KMT2A: variants seen among roughly 807,000 people sequenced by gnomAD.
The protein encoded by KMT2A is lysine methyltransferase 2A.
In KMT2A, 16 loss-of-function variants were observed where a neutral mutation model predicts 345.3. The observed-to-expected ratio is 0.05, with a 90% confidence interval of 0.03 to 0.07. The LOEUF is 0.07. Ranked by LOEUF, KMT2A falls within the 10% of genes least tolerant of loss-of-function variation. The pLI, the probability that KMT2A is intolerant of heterozygous loss-of-function variation, is 1.00. For missense variants in KMT2A, 3,272 were observed against 4,841.6 expected, an observed-to-expected ratio of 0.68 and a Z score of 9.62; for synonymous variants, 1,599 against 1,778.6, an observed-to-expected ratio of 0.90 and a Z score of 2.54.
Position 118,498,619 on chromosome 11 carries a change from G to T in KMT2A, c.5961+91G>T. 1 of 1,312,566 alleles carries T rather than the reference G, an allele frequency of 7.6e-7. No homozygotes were observed. The highest frequency in any genetic ancestry group is 2.3e-5 in the East Asian group (1 of 42,984). The allele number at this position is 1,312,566 out of a possible 1,614,324, so 81.3% of individuals were successfully genotyped here. ...AGCAAAATTGACTGGAAGGTACAGA[G>T]ATTTCCCATATGCCCCCTGCACCCA... is the stretch of plus-strand genomic sequence containing the variant. On this transcript the variant is annotated intron_variant, in intron 22 of 35. Coordinates refer to ENST00000534358, the MANE Select transcript of KMT2A (RefSeq NM_001197104.2). The surrounding 1 kb of genome is among the most constrained non-coding windows in gnomAD (Gnocchi z 4.4).
chr11:118,494,750 A>G lies in KMT2A; in HGVS notation c.5346A>G (p.Pro1782=), dbSNP rs1484928537. ...TCAAAAAGTCCAGGTTTTGGGAGCC[A>G]AATAAAGTATCAAGCAAGTAAGTGA... ...FSVKKSRFWE[P]NKVSSNSGML... Residue 1782 remains proline, a synonymous_variant, in exon 18 of 36, where the codon CCA becomes CCG. Coordinates refer to ENST00000534358, the MANE Select transcript of KMT2A (RefSeq NM_001197104.2). This position sits in a 1 kb window ranked among gnomAD's most constrained non-coding sequence, Gnocchi z 5.8. 2 of 1,613,668 alleles carry G rather than the reference A, an allele frequency of 1.2e-6. No individual in the cohort carries two copies. The highest frequency in any genetic ancestry group is 8.5e-7 in the Non-Finnish European group (1 of 1,179,702).
chr11:118,496,414 G>A lies in KMT2A; in HGVS notation c.5664+47G>A, dbSNP rs781843828. 1 of 1,315,910 alleles carries A rather than the reference G, an allele frequency of 7.6e-7. No individual in the cohort carries two copies. The highest frequency in any genetic ancestry group is 1.1e-6 in the Non-Finnish European group (1 of 909,516). 81.5% of individuals were successfully genotyped at this position (1,315,910 alleles called of 1,614,324 possible). On this transcript the variant is annotated intron_variant, in intron 20 of 35. Transcript: ENST00000534358. This position sits in a 1 kb window ranked among gnomAD's most constrained non-coding sequence, Gnocchi z 4.7. The stretch of plus-strand genomic sequence containing the variant: ...GCCCTAGTTAATACATACTCCAAAA[G>A]AACTGTTTGTCCTTGTGTCCATACT...
chr11:118,439,158 C>CAAAAAAAAAAACAAAAA, intron 1 of KMT2A: 1 of 265,450 alleles, frequency 3.8e-6, no homozygotes, highest in Admixed American at 5.3e-5. Context: ...GATACAGCAG[C>CAAAAAAAAAAACAAAAA]AAAAAAAAAA....
rs1950440354 is a variant in KMT2A, at chr11:118,498,165, T to C, written c.5802+92T>C. ...GTGAATATGGCCTCCCTGATATTTT[T>C]CACAGTGCCATCAGGGTAGTTAGCC... On this transcript the variant is annotated intron_variant, in intron 21 of 35. Transcript: ENST00000534358. The surrounding 1 kb of genome is among the most constrained non-coding windows in gnomAD (Gnocchi z 4.4). 1 of 1,411,046 alleles carries C rather than the reference T, an allele frequency of 7.1e-7. No homozygotes were observed. The highest frequency in any genetic ancestry group is 9.9e-7 in the Non-Finnish European group (1 of 1,012,384). The allele number at this position is 1,411,046 out of a possible 1,614,324, so 87.4% of individuals were successfully genotyped here.
At chr11:118,481,344 A>C (rs998086486) in intron 6 of KMT2A, among the ~76,000 whole-genome samples, 11 of 152,182 alleles carry the variant, frequency 7.2e-5, no homozygotes, top group African/African-American at 2.7e-4. Context: ...GAGTGAGAGC[A>C]TGTGATGTTT....
rs1565319061 is a variant in KMT2A, at chr11:118,521,854, T to C, written c.11644-43T>C. ...TGGGACATGTTCTTAAAGCTGAGTT[T>C]ATAAGAAATGACAAGTTCTTCTCCC... On this transcript the variant is annotated intron_variant, in intron 35 of 35. Coordinates refer to ENST00000534358, the MANE Select transcript of KMT2A (RefSeq NM_001197104.2). The surrounding 1 kb of genome is among the most constrained non-coding windows in gnomAD (Gnocchi z 5.3). The C allele has an allele frequency of 6.3e-7, 1 of 1,592,764 alleles. No individual in the cohort carries two copies. Among genetic ancestry groups the C allele is most frequent in the East Asian group, 2.2e-5 (1 of 44,466 alleles).
At chr11:118,453,819 T>C (rs1230560332) in intron 1 of KMT2A, among the ~76,000 whole-genome samples, 1 of 152,216 alleles carries the variant, frequency 6.6e-6, no homozygotes, top group Non-Finnish European at 1.5e-5. Flanking sequence ...ACATATACAT[T>C]GAAGCACTTG....
At chr11:118,467,393 T>A (rs1248628041) in intron 1 of KMT2A, among the ~76,000 whole-genome samples, 1 of 150,696 alleles carries the variant, frequency 6.6e-6, no homozygotes, top group East Asian at 1.9e-4. Context: ...AAAAAAAAAA[T>A]TATAATACTT....
At chr11:118,467,450 T>A (rs559896131) in intron 1 of KMT2A, among the ~76,000 whole-genome samples, 2 of 152,284 alleles carry the variant, frequency 1.3e-5, no homozygotes, top group African/African-American at 4.8e-5. Flanking sequence ...TCTTAAATAG[T>A]CCAATACTTT....
rs201104615 is a variant in KMT2A, at chr11:118,445,059, CT to C, written c.432+8124del. ...ATTGAAAGGAGAGCAGGGTTATAAT[CT>C]TTTTTTTTCATCAAAATAACTGGTT... On this transcript the variant is annotated intron_variant, in intron 1 of 35. Transcript: ENST00000534358. Among the ~76,000 whole-genome samples the C allele has an allele frequency of 9.9e-5, 15 of 151,448 alleles. No homozygotes were observed. In the South Asian group the frequency reaches 1.5e-3, roughly 15 times the overall value.
intron 10 of KMT2A, among the ~76,000 whole-genome samples, chr11:118,488,047 G>A (rs1052180445): frequency 5.9e-5 from 9 of 152,124 alleles, no homozygotes; most frequent in African/African-American, 1.2e-4. Flanking sequence ...AGGTGTGGTG[G>A]CACGCGCCTG....
rs1950316895 is a variant in KMT2A at position 118,491,050 on chromosome 11, T to G, written c.4697-146T>G. On this transcript the variant is annotated intron_variant, in intron 13 of 35. Coordinates refer to ENST00000534358, the MANE Select transcript of KMT2A (RefSeq NM_001197104.2). The surrounding 1 kb of genome is among the most constrained non-coding windows in gnomAD (Gnocchi z 4.2). ...CAGAATAATCTTGAGACTGCAGATG[T>G]GTGAACATTCCACAGTAGATCCATG... The G allele has an allele frequency of 1.5e-5, 10 of 679,278 alleles. No individual in the cohort carries two copies. In the East Asian group the frequency reaches 3.1e-4, roughly 21 times the overall value. The allele number at this position is 679,278 out of a possible 1,614,324, so 42.1% of individuals were successfully genotyped here.
rs1159114829 is a variant in KMT2A at position 118,436,665 on chromosome 11, C to T, written c.153C>T (p.Pro51=). The T allele has an allele frequency of 1.8e-5, 22 of 1,210,476 alleles. No homozygotes were observed. The highest frequency in any genetic ancestry group is 2.2e-5 in the Non-Finnish European group (21 of 971,904). The allele number at this position is 1,210,476 out of a possible 1,614,324, so 75.0% of individuals were successfully genotyped here. A position where few individuals can be genotyped will look rare whatever the true frequency, so the allele number is the denominator to read the frequency against. Residue 51 remains proline (P), a synonymous_variant, in exon 1 of 36, where the codon CCC becomes CCT. Coordinates refer to ENST00000534358, the MANE Select transcript of KMT2A (RefSeq NM_001197104.2). The surrounding 1 kb of genome is among the most constrained non-coding windows in gnomAD (Gnocchi z 6.9). The part of the protein sequence containing the change: ...PPGPPVGGGG[P]GAPPSPPAVA... ...GGCCCCCGGTCGGCGGTGGCGGCCC[C>T]GGGGCGCCCCCCTCCCCCCCGGCTG...
chr11:118,506,451 C>T lies in KMT2A; in HGVS notation c.10559C>T (p.Ser3520Phe). 1 of 1,614,222 alleles carries T rather than the reference C, an allele frequency of 6.2e-7. No individual in the cohort carries two copies. Among genetic ancestry groups the T allele is most frequent in the Non-Finnish European group, 8.5e-7 (1 of 1,180,032 alleles). ...CCCACCTCTCCTGGGGGTTCTCCAT[C>T]CTCTCCATCTTCTGGACAGCGGTCA... Reference protein sequence around the residue: ...ASPTSPGGSPSSPSSGQRSAS... With the variant: ...ASPTSPGGSPFSPSSGQRSAS... The change falls in exon 27 of 36, where the codon TCC becomes TTC. Residue 3520 changes from serine to phenylalanine, a missense_variant. By Grantham distance (155) the Ser-to-Phe change is radical (BLOSUM62 -2). Around this residue, in one of 27 missense-constraint regions of KMT2A, gnomAD observed 748 missense variants for 922.2 expected, o/e 0.81. Coordinates refer to ENST00000534358, the MANE Select transcript of KMT2A (RefSeq NM_001197104.2).
intron 31 of KMT2A, among the ~76,000 whole-genome samples, chr11:118,516,426 C>G (rs946898508): frequency 6.6e-6 from 1 of 151,988 alleles, no homozygotes; most frequent in Non-Finnish European, 1.5e-5. Context: ...CTGTGAATAG[C>G]CACGGCACCA....
intron 1 of KMT2A, among the ~76,000 whole-genome samples, chr11:118,444,244 TC>T (rs1406385859): frequency 6.6e-6 from 1 of 152,246 alleles, no homozygotes; most frequent in Non-Finnish European, 1.5e-5. Flanking sequence ...ATATTCAACT[TC>T]TGTCCATCCA....
At chr11:118,486,375 G>GTTTTTTTTTTTTTTTTTTTTTTTTTTT (rs11445156) in intron 10 of KMT2A, among the ~76,000 whole-genome samples, 1 of 146,626 alleles carries the variant, frequency 6.8e-6, no homozygotes, top group Non-Finnish European at 1.5e-5. Context: ...TGTTTCTCTG[G>GTTTTTTTTTTTTTTTTTTTTTTTTTTT]TTTTTTTTTT....
rs1416778442 is a variant in KMT2A, at chr11:118,494,703, C to T, written c.5299C>T (p.Arg1767Cys). Residue 1767 changes from arginine to cysteine, a missense_variant, in exon 18 of 36, where the codon CGT (arginine) becomes TGT (cysteine). Transcript: ENST00000534358. This position sits in a 1 kb window ranked among gnomAD's most constrained non-coding sequence, Gnocchi z 5.8. ...TTGTGTTTTCTTTTAGCAAATGGAA[C>T]GTGTTTTTCCATGGTTCAGTGTCAA... ...VKSFFIRQME[R>C]VFPWFSVKKS... is the part of the protein sequence containing the mutation. 5 of 1,613,310 alleles carry T rather than the reference C, an allele frequency of 3.1e-6. No individual in the cohort carries two copies. The highest frequency in any genetic ancestry group is 2.2e-5 in the East Asian group (1 of 44,842).
chr11:118,519,234 G>A (rs938018160), intron 31 of KMT2A, among the ~76,000 whole-genome samples: 6 of 152,074 alleles, frequency 3.9e-5, no homozygotes, highest in Non-Finnish European at 8.8e-5. Context: ...CCTTGGGAGT[G>A]TTACATCAGT....
Sources: allele counts gnomAD v4.1 joint callset (sites outside exome capture counted in the v4.1 genomes callset), GRCh38; gene constraint gnomAD v4.1.1; regional missense constraint gnomAD v4.1.1; non-coding constraint Gnocchi (gnomAD v3.1); transcripts MANE v1.5; gene names NCBI Gene and HGNC (gene_info 2026-07-23, HGNC 2026-07-21).